FNIP1: variants seen among roughly 807,000 people sequenced by gnomAD.
FNIP1 encodes the protein folliculin interacting protein 1, also known as folliculin-interacting protein 1.
FNIP1 carries 40 observed loss-of-function variants against 124.5 expected under a neutral mutation model. The observed-to-expected ratio is 0.32, with a 90% CI of 0.25 to 0.42. FNIP1 has a LOEUF of 0.42. FNIP1 is among the 10% of genes least tolerant of loss of function. The pLI is 1.00. For missense variants in FNIP1, 1,176 were observed against 1,403.7 expected, an observed-to-expected ratio of 0.84 and a Z score of 2.59; for synonymous variants, 472 against 470.6, an observed-to-expected ratio of 1.00 and a Z score of -0.04.
At chr5:131,773,395 G>C (rs1297726818) in intron 1 of FNIP1, among the ~76,000 whole-genome samples, 2 of 152,250 alleles carry the variant, frequency 1.3e-5, no homozygotes, top group Admixed American at 6.5e-5. Context: ...CATGCAATCT[G>C]CTGACCCACA....
intron 17 of FNIP1, among the ~76,000 whole-genome samples, chr5:131,646,155 C>G (rs750003982): frequency 1.7e-4 from 26 of 152,190 alleles, no homozygotes; most frequent in Non-Finnish European, 3.2e-4. Context: ...GAACAATTCT[C>G]TCTGTATAAC....
At chr5:131,789,669 C>A (rs1033960439) in intron 1 of FNIP1, among the ~76,000 whole-genome samples, 1 of 152,216 alleles carries the variant, frequency 6.6e-6, no homozygotes, top group Non-Finnish European at 1.5e-5. Flanking sequence ...TCTCATTTCA[C>A]GAGACCTGTC....
intron 2 of FNIP1, among the ~76,000 whole-genome samples, chr5:131,735,507 TATATATAC>T (rs1243977122): frequency 6.7e-6 from 1 of 148,326 alleles, no homozygotes; most frequent in Non-Finnish European, 1.5e-5. Context: ...ATAAAATATG[TATATATAC>T]GTATATACAT....
chr5:131,677,968 C>T, intron 12 of FNIP1, 96 bp from the exon 13 acceptor site: 1 of 1,249,766 alleles, frequency 8.0e-7, no homozygotes, highest in East Asian at 2.5e-5. Context: ...TATATATGTT[C>T]ATGTGGCCAA....
chr5:131,736,021 C>G (rs1770291121), intron 2 of FNIP1, among the ~76,000 whole-genome samples: 1 of 152,074 alleles, frequency 6.6e-6, no homozygotes, highest in African/African-American at 2.4e-5. Flanking sequence ...CCCACCTTGG[C>G]CTCCCAAAGT....
Position 131,692,929 on chromosome 5 carries a change from A to T in FNIP1, c.1202+5988T>A, listed in dbSNP as rs577110072. ...AAGATGGGGCATGAGAATCACTTGA[A>T]CCCAGGAGGTGGAAGTTGTAGTGAA... On this transcript the variant is annotated intron_variant, in intron 11 of 17. Coordinates refer to ENST00000510461, the MANE Select transcript of FNIP1 (RefSeq NM_133372.3). Among the ~76,000 whole-genome samples the T allele has an allele frequency of 5.9e-5, 9 of 151,870 alleles. No homozygotes were observed. The East Asian group carries it at 1.4e-3, about 23-fold the overall frequency.
At chr5:131,657,016 T>G (rs1015086422) in intron 15 of FNIP1, among the ~76,000 whole-genome samples, 1 of 145,008 alleles carries the variant, frequency 6.9e-6, no homozygotes, top group Non-Finnish European at 1.5e-5. Context: ...AATCCACCCA[T>G]GCCTTTTTTT....
intron 2 of FNIP1, among the ~76,000 whole-genome samples, chr5:131,736,265 G>A (rs769417100): frequency 3.9e-5 from 6 of 152,084 alleles, no homozygotes; most frequent in Non-Finnish European, 7.4e-5. Context: ...AGGCCTTAAT[G>A]TACATTTTCT....
In FNIP1 at chr5:131,796,947, C is replaced by T. The variant is rs749350100; in HGVS notation, c.-26G>A. ...GCTAGCCACGGCCAGGCAGGGGTCGCTCCGCTGGGCGCTTGCTAGGCCCCT... is the reference window on the plus strand; with the variant it reads ...GCTAGCCACGGCCAGGCAGGGGTCGTTCCGCTGGGCGCTTGCTAGGCCCCT... On this transcript the variant is annotated 5_prime_UTR_variant, in exon 1 of 18. Transcript: ENST00000510461. 1 of 1,574,678 alleles carries T rather than the reference C, an allele frequency of 6.4e-7. No homozygotes were observed. The highest frequency in any genetic ancestry group is 2.3e-5 in the East Asian group (1 of 42,936).
Position 131,649,521 on chromosome 5 carries a change from A to G in FNIP1, c.3306+2281T>C, listed in dbSNP as rs531778266. ...TAATTCAATTATTTTTTTCCTGTTG[A>G]GTTGTAGGAGTTATTTATATATTCT... On this transcript the variant is annotated intron_variant, in intron 16 of 17. Coordinates refer to ENST00000510461, the MANE Select transcript of FNIP1 (RefSeq NM_133372.3). Among the ~76,000 whole-genome samples, 3 of 152,014 alleles carry G rather than the reference A, an allele frequency of 2.0e-5. No homozygotes were observed. The East Asian group carries it at 5.8e-4, about 29-fold the overall frequency.
chr5:131,658,591 A>G (rs543374047), intron 15 of FNIP1, among the ~76,000 whole-genome samples: 107 of 152,266 alleles, frequency 7.0e-4, no homozygotes, highest in South Asian at 1.7e-3. Context: ...CATTCAAAGT[A>G]AAACAAAATA....
intron 6 of FNIP1, among the ~76,000 whole-genome samples, chr5:131,715,400 C>T (rs991287429): frequency 4.6e-5 from 7 of 152,066 alleles, no homozygotes; most frequent in African/African-American, 1.4e-4. Context: ...GCAGGAGGAT[C>T]GCTTGAACCC....
At chr5:131,709,974 A>G (rs965385039) in intron 7 of FNIP1, among the ~76,000 whole-genome samples, 1 of 152,194 alleles carries the variant, frequency 6.6e-6, no homozygotes, top group Non-Finnish European at 1.5e-5. Context: ...AATCCGCTAA[A>G]ATGTGTGAAA....
At chr5:131,687,118 T>TC (rs1768306456) in intron 11 of FNIP1, among the ~76,000 whole-genome samples, 1 of 151,302 alleles carries the variant, frequency 6.6e-6, no homozygotes, top group Non-Finnish European at 1.5e-5. Flanking sequence ...TTTTTTTTTT[T>TC]CCTTTGAGAC....
chr5:131,698,672 T>TA (rs1768787329), intron 11 of FNIP1, among the ~76,000 whole-genome samples: 1 of 152,226 alleles, frequency 6.6e-6, no homozygotes, highest in African/African-American at 2.4e-5. Flanking sequence ...CAAGGGTCTT[T>TA]CCTGGTCATA....
intron 11 of FNIP1, among the ~76,000 whole-genome samples, chr5:131,694,385 C>T (rs1030179369): frequency 6.6e-5 from 10 of 151,970 alleles, no homozygotes; most frequent in African/African-American, 2.2e-4. Context: ...GAATATTACT[C>T]GATGATGAAA....
At chr5:131,727,857 T>C (rs566715321) in intron 3 of FNIP1, among the ~76,000 whole-genome samples, 32 of 152,354 alleles carry the variant, frequency 2.1e-4, no homozygotes, top group African/African-American at 7.5e-4. Context: ...CAGGAGCTCT[T>C]GTAAGGCAAG....
At chr5:131,753,463 C>A (rs1039638302) in intron 1 of FNIP1, among the ~76,000 whole-genome samples, 1 of 152,054 alleles carries the variant, frequency 6.6e-6, no homozygotes, top group African/African-American at 2.4e-5. Context: ...AAGATGAACT[C>A]AAAAAATACT....
chr5:131,763,923 T>C (rs1771330086), intron 1 of FNIP1, among the ~76,000 whole-genome samples: 1 of 152,064 alleles, frequency 6.6e-6, no homozygotes, highest in African/African-American at 2.4e-5. Context: ...AAATCTCATG[T>C]TGAAAGTAAT....
Sources: gnomAD v4.1 joint callset for allele counts (sites outside exome capture counted in the v4.1 genomes callset) on GRCh38, gnomAD v4.1.1 for gene constraint, MANE v1.5 for transcripts, NCBI Gene and HGNC (gene_info 2026-07-23, HGNC 2026-07-21) for gene names.